Variants in TNS1 observed in about 807,000 individuals in gnomAD.
TNS1 encodes tensin 1.
A neutral mutation model predicts 168.6 loss-of-function variants in TNS1; 62 were observed. The observed-to-expected ratio is 0.37, with a 90% CI of 0.30 to 0.45. The LOEUF is 0.45. Ranked by LOEUF, TNS1 falls within the 20% of genes least tolerant of loss-of-function variation. TNS1 has a pLI of 1.00. For missense variants in TNS1, 2,240 were observed against 2,339.4 expected (o/e 0.96, Z 0.88); for synonymous variants, 934 against 933.2 (o/e 1.00, Z -0.02).
At chr2:217,894,039 T>A (rs757931020) in intron 9 of TNS1, among the ~76,000 whole-genome samples, 4 of 152,124 alleles carry the variant, frequency 2.6e-5, no homozygotes, top group Non-Finnish European at 5.9e-5. Context: ...TGTTCATGAC[T>A]CTTTTCTAGG....
At chr2:217,812,297 TG>T in intron 28 of TNS1, 70 bp downstream of exon 28, 1 of 1,361,386 alleles carries the variant, frequency 7.3e-7, no homozygotes, top group Non-Finnish European at 1.0e-6. Flanking sequence ...CCGGAGTGGC[TG>T]GCAGGATCAA....
At chr2:217,917,034 T>TCGCC in intron 4 of TNS1, among the ~76,000 whole-genome samples, 1 of 152,156 alleles carries the variant, frequency 6.6e-6, no homozygotes, top group Non-Finnish European at 1.5e-5. Context: ...AGCACTTGCC[T>TCGCC]CGCCCGCCCG....
Position 217,880,106 on chromosome 2 carries a change from C to T in TNS1, c.1429+792G>A, listed in dbSNP as rs915733783. Among the ~76,000 whole-genome samples, 2 of 152,206 alleles carry T rather than the reference C, an allele frequency of 1.3e-5. No individual in the cohort carries two copies. Among genetic ancestry groups the T allele is most frequent in the African/African-American group, 4.8e-5 (2 of 41,448 alleles). On this transcript the variant is annotated intron_variant, in intron 18 of 32. Transcript: ENST00000682258. The surrounding 1 kb of genome is among the most constrained non-coding windows in gnomAD (Gnocchi z 4.2). ...TCAAGAAAAGAAGCTTGTGGCCAAACCCCAGGCAGGGCATCTCAAGAGTTC... is the reference window on the plus strand; with the variant it reads ...TCAAGAAAAGAAGCTTGTGGCCAAATCCCAGGCAGGGCATCTCAAGAGTTC...
chr2:217,895,117 G>T, intron 8 of TNS1, 61 bp from the exon 9 acceptor site: 1 of 1,512,564 alleles, frequency 6.6e-7, no homozygotes, highest in Non-Finnish European at 9.0e-7. Flanking sequence ...GGCGAGGAGA[G>T]AGAGAACCAT....
chr2:217,809,210 T>C (rs1939910940), intron 30 of TNS1, among the ~76,000 whole-genome samples: 1 of 76,996 alleles, frequency 1.3e-5, no homozygotes, highest in Non-Finnish European at 2.6e-5. Flanking sequence ...GATGGATGGA[T>C]GGATGCATGG....
At position 218,002,904 on chromosome 2, in the gene TNS1, A is replaced by G; in HGVS notation, c.-32T>C. The G allele has an allele frequency of 2.2e-6, 1 of 456,732 alleles. No homozygotes were observed. Among genetic ancestry groups the G allele is most frequent in the Non-Finnish European group, 4.4e-6 (1 of 226,940 alleles). 28.3% of individuals were successfully genotyped at this position (456,732 alleles called of 1,614,324 possible). On this transcript the variant is annotated 5_prime_UTR_variant, in exon 1 of 33. Coordinates refer to ENST00000682258, the MANE Select transcript of TNS1 (RefSeq NM_001387777.1). ...TGGGTCCCGTCACTGAGGCACGCCC[A>G]GGGCCTGTGAAGAGCCCCTGAAGCT...
Position 217,836,143 on chromosome 2 carries a change from C to T in TNS1, c.3076G>A (p.Gly1026Arg). 6.2e-7 allele frequency: 1 copy of T among 1,614,022 alleles called. No homozygotes were observed. The highest frequency in any genetic ancestry group is 8.5e-7 in the Non-Finnish European group (1 of 1,179,952). ...APLRRRAASD[G>R]QYENQSPEAT... is the part of the protein sequence containing the mutation. Reference sequence around the variant, plus strand: ...TCTGGAGACTGGTTCTCATACTGTCCATCACTGGCCGCCCGCCTCCGCAGA... The same window carrying T: ...TCTGGAGACTGGTTCTCATACTGTCTATCACTGGCCGCCCGCCTCCGCAGA... The change falls in exon 20 of 33, where the codon GGA becomes AGA. Residue 1026 changes from glycine to arginine, a missense_variant. By Grantham distance (125) the Gly-to-Arg change is moderately radical (BLOSUM62 -2). Transcript: ENST00000682258.
chr2:217,874,634 G>A (rs193022595), intron 18 of TNS1, among the ~76,000 whole-genome samples: 2 of 152,196 alleles, frequency 1.3e-5, no homozygotes, highest in East Asian at 1.9e-4. Flanking sequence ...CAAGGGGAAC[G>A]CGGCTTTTTC....
chr2:217,882,518 A>G (rs1402289588), intron 16 of TNS1, 107 bp from the exon 17 acceptor site: 1 of 609,676 alleles, frequency 1.6e-6, no homozygotes. Flanking sequence ...TACATGGTTA[A>G]TAATATAATA....
intron 2 of TNS1, among the ~76,000 whole-genome samples, chr2:217,983,618 G>T (rs1214984599): frequency 6.6e-6 from 1 of 152,224 alleles, no homozygotes; most frequent in African/African-American, 2.4e-5. Context: ...AGCCAACATT[G>T]TTGGGATCTA....
intron 4 of TNS1, among the ~76,000 whole-genome samples, chr2:217,912,611 T>C (rs1954555117): frequency 6.6e-6 from 1 of 152,128 alleles, no homozygotes; most frequent in African/African-American, 2.4e-5. Context: ...AAAGTTATTC[T>C]AGGCTCACTT....
At chr2:217,897,679 CAA>C in intron 8 of TNS1, 117 bp downstream of exon 8, 6 of 1,144,590 alleles carry the variant, frequency 5.2e-6, no homozygotes, top group Middle Eastern at 2.7e-4. Context: ...GGCAGATAAA[CAA>C]AGAGAAGAGG....
At chr2:217,932,789 T>C (rs1348886951) in intron 3 of TNS1, among the ~76,000 whole-genome samples, 1 of 152,214 alleles carries the variant, frequency 6.6e-6, no homozygotes, top group Admixed American at 6.5e-5. Flanking sequence ...TTTCCTGAGC[T>C]CTGAATTCTT....
chr2:217,913,712 G>A (rs989155575), intron 4 of TNS1, among the ~76,000 whole-genome samples: 1 of 151,942 alleles, frequency 6.6e-6, no homozygotes, highest in South Asian at 2.1e-4. Context: ...AAGTTCCCCA[G>A]TGTGGTTTGT....
At position 218,017,674 on chromosome 2, in the gene TNS1, G is replaced by A. The variant is rs76043700; in HGVS notation, c.156+16146C>T. 5.3e-3 allele frequency among the ~76,000 whole-genome samples: 815 copies of A among 152,358 alleles called. 1 individual carries two copies. The highest frequency in any genetic ancestry group is 0.02 in the Middle Eastern group (6 of 294). On this transcript the variant is annotated intron_variant, in intron 1 of 1. Coordinates refer to the TNS1 transcript ENST00000649572. ...TGACCTTGGGGAGTTATTTTTCTAT[G>A]CTGAGCCTGCTTCTTCTTCTGTAAA...
At chr2:217,952,919 G>A (rs1392225645) in intron 3 of TNS1, among the ~76,000 whole-genome samples, 2 of 152,196 alleles carry the variant, frequency 1.3e-5, no homozygotes, top group South Asian at 2.1e-4. Context: ...TCCTTGTAAT[G>A]ACATGGAAAT....
chr2:217,832,779 C>T (rs946811757), intron 21 of TNS1, among the ~76,000 whole-genome samples: 1 of 152,224 alleles, frequency 6.6e-6, no homozygotes, highest in African/African-American at 2.4e-5. Flanking sequence ...ATGAGTGGCA[C>T]ACCCCTGCCC....
chr2:217,985,358 T>C (rs1467478156), intron 2 of TNS1: 2 of 152,170 alleles, frequency 1.3e-5, no homozygotes, highest in Non-Finnish European at 2.9e-5. Context: ...TCTCATTTAA[T>C]CCCACAGTAC....
intron 22 of TNS1, among the ~76,000 whole-genome samples, chr2:217,828,969 T>C (rs1944004616): frequency 6.6e-6 from 1 of 152,142 alleles, no homozygotes; most frequent in African/African-American, 2.4e-5. Context: ...ACACTGGCAA[T>C]GTTGGAGACA....
Sources: allele counts gnomAD v4.1 joint callset (sites outside exome capture counted in the v4.1 genomes callset), GRCh38; gene constraint gnomAD v4.1.1; non-coding constraint Gnocchi (gnomAD v3.1); transcripts MANE v1.5; gene names NCBI Gene and HGNC (gene_info 2026-07-23, HGNC 2026-07-21).